The following DGAT1 variants were observed in gnomAD, a reference collection of about 807,000 sequenced individuals.
The protein encoded by DGAT1 is ACAT related gene product 1.
In DGAT1, 60 loss-of-function variants were observed where a neutral mutation model predicts 72.6. The ratio of observed to expected loss-of-function variants is 0.83; its 90% CI spans 0.67 to 1.02. The LOEUF (loss-of-function observed/expected upper bound fraction) is 1.02. Among genes scored for constraint, DGAT1 ranks in the 50% least tolerant of loss-of-function variants. DGAT1 has a pLI of 0.00. For missense variants in DGAT1, 592 were observed against 670.0 expected, an observed-to-expected ratio of 0.88 and a Z score of 1.29; for synonymous variants, 290 against 267.5, an observed-to-expected ratio of 1.08 and a Z score of -0.82.
intron 16 of DGAT1, 43 bp downstream of exon 16, chr8:144,316,809 CG>C: frequency 1.3e-6 from 2 of 1,598,924 alleles, no homozygotes; most frequent in Non-Finnish European, 1.7e-6. Flanking sequence ...GGTTCAGGTG[CG>C]GGGTAACTGG....
chr8:144,315,476 G>C lies in DGAT1; in HGVS notation c.*1078C>G, dbSNP rs1234284874. 1 of 985,484 alleles carries C rather than the reference G, an allele frequency of 1.0e-6. No individual in the cohort carries two copies. Among genetic ancestry groups the C allele is most frequent in the African/African-American group, 1.7e-5 (1 of 57,246 alleles). The allele number at this position is 985,484 out of a possible 1,614,324, so 61.0% of individuals were successfully genotyped here. A position where few individuals can be genotyped will look rare whatever the true frequency, so the allele number is the denominator to read the frequency against. On this transcript the variant is annotated 3_prime_UTR_variant, in exon 17 of 17. Coordinates refer to ENST00000528718, the MANE Select transcript of DGAT1 (RefSeq NM_012079.6). ...CAAACACCTGCCTTGTTGGGCCATA[G>C]CTGCAGGTCTGGGGACACCAGGGCC... is the stretch of plus-strand genomic sequence containing the variant.
rs912398598 is a variant in DGAT1, at chr8:144,316,326, G to A, written c.*228C>T. 9 of 592,992 alleles carry A rather than the reference G, an allele frequency of 1.5e-5. No individual in the cohort carries two copies. Among genetic ancestry groups the A allele is most frequent in the South Asian group, 2.3e-5 (1 of 43,228 alleles). The allele number at this position is 592,992 out of a possible 1,614,324, so 36.7% of individuals were successfully genotyped here. A position where few individuals can be genotyped will look rare whatever the true frequency, so the allele number is the denominator to read the frequency against. Reference sequence around the variant, plus strand: ...GCACTTTATTGACACCCTCGGACCCGGGGCAGGGTCAGCAAGACTCCCAGC... The same window carrying A: ...GCACTTTATTGACACCCTCGGACCCAGGGCAGGGTCAGCAAGACTCCCAGC... On this transcript the variant is annotated 3_prime_UTR_variant, in exon 17 of 17. Coordinates refer to ENST00000528718, the MANE Select transcript of DGAT1 (RefSeq NM_012079.6).
intron 1 of DGAT1, among the ~76,000 whole-genome samples, chr8:144,322,223 T>C (rs1338160183): frequency 6.6e-6 from 1 of 152,098 alleles, no homozygotes; most frequent in African/African-American, 2.4e-5. Context: ...GCCATATAGC[T>C]AGGACAAGGA....
At chr8:144,323,531 G>C (rs1817515919) in intron 1 of DGAT1, among the ~76,000 whole-genome samples, 1 of 152,194 alleles carries the variant, frequency 6.6e-6, no homozygotes, top group Non-Finnish European at 1.5e-5. Flanking sequence ...AGGCTGCATG[G>C]AACGGCATGG....
intron 9 of DGAT1, 41 bp from the exon 10 acceptor site, chr8:144,317,863 A>G: frequency 1.3e-6 from 2 of 1,591,238 alleles, no homozygotes; most frequent in Non-Finnish European, 1.7e-6. Context: ...GGCCCTGGCT[A>G]GCCAGAAGGC....
In DGAT1 at chr8:144,326,784, G is replaced by C; in HGVS notation, c.-148C>G. 1 of 619,360 alleles carries C rather than the reference G, an allele frequency of 1.6e-6. No homozygotes were observed. Among genetic ancestry groups the C allele is most frequent in the South Asian group, 7.4e-5 (1 of 13,562 alleles). The allele number at this position is 619,360 out of a possible 1,614,324, so 38.4% of individuals were successfully genotyped here. ...GCCCGGGTGACCGCCTCACCAGCGC[G>C]TTCAACCCGCCCGCGTCGGGCCCGT... On this transcript the variant is annotated 5_prime_UTR_variant, in exon 1 of 17. Coordinates refer to ENST00000528718, the MANE Select transcript of DGAT1 (RefSeq NM_012079.6).
Position 144,324,978 on chromosome 8 carries a change from C to G in DGAT1, c.200+1459G>C, listed in dbSNP as rs570159273. Among the ~76,000 whole-genome samples, 15 of 152,090 alleles carry G rather than the reference C, an allele frequency of 9.9e-5. No individual in the cohort carries two copies. In the East Asian group the frequency reaches 2.3e-3, roughly 23 times the overall value. Reference sequence around the variant, plus strand: ...ACTCTGGAGGCTGAGGCAGGAGAATCACTTGAACCTGGGAGGCAGAGGTTG... The same window carrying G: ...ACTCTGGAGGCTGAGGCAGGAGAATGACTTGAACCTGGGAGGCAGAGGTTG... On this transcript the variant is annotated intron_variant, in intron 1 of 16. Transcript: ENST00000528718.
rs201047846 is a variant in DGAT1, at chr8:144,317,535, C to T, written c.981+9G>A. The T allele has an allele frequency of 1.8e-5, 29 of 1,613,854 alleles. No homozygotes were observed. In the Admixed American group the frequency reaches 2.5e-4, roughly 14 times the overall value. On this transcript the variant is annotated intron_variant, in intron 12 of 16. Coordinates refer to ENST00000528718, the MANE Select transcript of DGAT1 (RefSeq NM_012079.6). ...CTGTCCTGTGCATGCGCCACCTGTC[C>T]GCACTCACCGCCAGCTTCAGGAGGC... is the stretch of plus-strand genomic sequence containing the variant.
rs199537660 is a variant in DGAT1, at chr8:144,317,949, G to A, written c.820C>T (p.Arg274Trp). 1.8e-5 allele frequency: 27 copies of A among 1,519,434 alleles called. No individual in the cohort carries two copies. Among genetic ancestry groups the A allele is most frequent in the South Asian group, 4.0e-5 (3 of 75,404 alleles). The allele number at this position is 1,519,434 out of a possible 1,614,324, so 94.1% of individuals were successfully genotyped here. ...ATCCGTCGCAGCAGAAAGCGCTTCCGGATGCGGGGAGAGCGGGGAAAGTTG... is the reference window on the plus strand; with the variant it reads ...ATCCGTCGCAGCAGAAAGCGCTTCCAGATGCGGGGAGAGCGGGGAAAGTTG... Reference protein sequence around the residue: ...ELNFPRSPRIRKRFLLRRILE... With the variant: ...ELNFPRSPRIWKRFLLRRILE... Residue 274 changes from arginine (R) to tryptophan (W), a missense_variant, in exon 9 of 17, where the codon CGG becomes TGG. Coordinates refer to ENST00000528718, the MANE Select transcript of DGAT1 (RefSeq NM_012079.6).
chr8:144,318,450 T>TG lies in DGAT1; in HGVS notation c.574+10dup, dbSNP rs782241231. On this transcript the variant is annotated intron_variant, in intron 6 of 16. Transcript: ENST00000528718. Reference sequence around the variant, plus strand: ...CCCGAGACAGATGGGCAGGGTGGGATGGGGGCGCACCTGGAGTGATAGACT... The same window carrying TG: ...CCCGAGACAGATGGGCAGGGTGGGATGGGGGGCGCACCTGGAGTGATAGACT... 63 of 1,575,732 alleles carry TG rather than the reference T, an allele frequency of 4.0e-5. No individual in the cohort carries two copies. Among genetic ancestry groups the TG allele is most frequent in the Middle Eastern group, 1.7e-4 (1 of 5,954 alleles).
In DGAT1 at chr8:144,315,084, G is replaced by C. The variant is rs1817150484; in HGVS notation, c.*1470C>G. On this transcript the variant is annotated 3_prime_UTR_variant, in exon 17 of 17. Transcript: ENST00000528718. ...AACGGGAGCCTGTCCCGTAGCTTTA[G>C]GGTTCTCCACTCAGCCTGGTGGAGG... 1 of 985,398 alleles carries C rather than the reference G, an allele frequency of 1.0e-6. No homozygotes were observed. 61.0% of individuals were successfully genotyped at this position (985,398 alleles called of 1,614,324 possible).
rs781884871 is a variant in DGAT1 at position 144,314,651 on chromosome 8, C to T, written c.*1903G>A. The T allele has an allele frequency of 2.4e-6, 1 of 409,502 alleles. No individual in the cohort carries two copies. The highest frequency in any genetic ancestry group is 4.6e-6 in the Non-Finnish European group (1 of 219,328). The allele number at this position is 409,502 out of a possible 1,614,324, so 25.4% of individuals were successfully genotyped here. On this transcript the variant is annotated 3_prime_UTR_variant, in exon 17 of 17. Coordinates refer to ENST00000528718, the MANE Select transcript of DGAT1 (RefSeq NM_012079.6). Reference sequence around the variant, plus strand: ...TCCCGTTCCCCGCTCCACAGAGATACACAGATATATACACACAGTGGATGG... The same window carrying T: ...TCCCGTTCCCCGCTCCACAGAGATATACAGATATATACACACAGTGGATGG...
In DGAT1 at chr8:144,326,592, C is replaced by T. The variant is rs1205867298; in HGVS notation, c.45G>A (p.Arg15=). The T allele has an allele frequency of 8.1e-6, 10 of 1,236,424 alleles. No homozygotes were observed. The African/African-American group carries it at 1.4e-4, about 18-fold the overall frequency. 76.6% of individuals were successfully genotyped at this position (1,236,424 alleles called of 1,614,324 possible). Residue 15 remains arginine, a synonymous_variant, in exon 1 of 17, where the codon CGG becomes CGA. Transcript: ENST00000528718. ...GSSRRRRTGS[R]PSSHGGGGPA... ...GCCCGCCGCCGCCGTGGCTCGAGGG[C>T]CGCGACCCTGTCCTCCGGCGCCGGG...
At position 144,317,533 on chromosome 8, in the gene DGAT1, T is replaced by G. The variant is rs199851719; in HGVS notation, c.981+11A>C. 1,911 of 1,613,840 alleles carry G rather than the reference T, an allele frequency of 1.2e-3. 4 individuals carry two copies. Among genetic ancestry groups the G allele is most frequent in the Non-Finnish European group, 1.5e-3 (1,749 of 1,180,002 alleles). ...TCCTGTCCTGTGCATGCGCCACCTGTCCGCACTCACCGCCAGCTTCAGGAG... is the reference window on the plus strand; with the variant it reads ...TCCTGTCCTGTGCATGCGCCACCTGGCCGCACTCACCGCCAGCTTCAGGAG... On this transcript the variant is annotated intron_variant, in intron 12 of 16. Transcript: ENST00000528718.
In DGAT1 at chr8:144,315,195, A is replaced by G; in HGVS notation, c.*1359T>C. On this transcript the variant is annotated 3_prime_UTR_variant, in exon 17 of 17. Transcript: ENST00000528718. ...AGTTTGTTCTCGAGCTCCACTGGCC[A>G]ACTGATAGGGAGAGGCACAGGAGCC... 1.0e-6 allele frequency: 1 copy of G among 985,484 alleles called. No homozygotes were observed. The highest frequency in any genetic ancestry group is 1.2e-6 in the Non-Finnish European group (1 of 829,944). 61.0% of individuals were successfully genotyped at this position (985,484 alleles called of 1,614,324 possible).
Position 144,317,837 on chromosome 8 carries a change from G to A in DGAT1, c.856-15C>T. 1 of 1,609,022 alleles carries A rather than the reference G, an allele frequency of 6.2e-7. No individual in the cohort carries two copies. The highest frequency in any genetic ancestry group is 8.5e-7 in the Non-Finnish European group (1 of 1,177,758). ...GTGAAGAACAGCTGGGGGGGAAACA[G>A]AGAGCAGCCAGCTGAGGCCCTGGCT... On this transcript the variant is annotated splice_polypyrimidine_tract_variant and intron_variant, in intron 9 of 16. Transcript: ENST00000528718.
In DGAT1 at chr8:144,315,072, C is replaced by G; in HGVS notation, c.*1482G>C. ...GTAGGCACGGGGAACGGGAGCCTGT[C>G]CCGTAGCTTTAGGGTTCTCCACTCA... is the stretch of plus-strand genomic sequence containing the variant. On this transcript the variant is annotated 3_prime_UTR_variant, in exon 17 of 17. Transcript: ENST00000528718. The G allele has an allele frequency of 1.0e-6, 1 of 985,436 alleles. No homozygotes were observed. Among genetic ancestry groups the G allele is most frequent in the South Asian group, 4.7e-5 (1 of 21,282 alleles). The allele number at this position is 985,436 out of a possible 1,614,324, so 61.0% of individuals were successfully genotyped here.
chr8:144,315,371 A>C lies in DGAT1; in HGVS notation c.*1183T>G, dbSNP rs1321418233. On this transcript the variant is annotated 3_prime_UTR_variant, in exon 17 of 17. Coordinates refer to ENST00000528718, the MANE Select transcript of DGAT1 (RefSeq NM_012079.6). ...AGGGAGGATACCACCAAGGGAGCCC[A>C]CCCTCCCCTCACACCACCAGTTCAG... 2.0e-6 allele frequency: 2 copies of C among 985,174 alleles called. No homozygotes were observed. Among genetic ancestry groups the C allele is most frequent in the African/African-American group, 3.5e-5 (2 of 57,160 alleles). The allele number at this position is 985,174 out of a possible 1,614,324, so 61.0% of individuals were successfully genotyped here.
Position 144,326,639 on chromosome 8 carries a change from C to G in DGAT1, c.-3G>C. The G allele has an allele frequency of 8.3e-7, 1 of 1,200,960 alleles. No individual in the cohort carries two copies. Among genetic ancestry groups the G allele is most frequent in the South Asian group, 3.2e-5 (1 of 31,724 alleles). The allele number at this position is 1,200,960 out of a possible 1,614,324, so 74.4% of individuals were successfully genotyped here. On this transcript the variant is annotated 5_prime_UTR_variant, in exon 1 of 17. Transcript: ENST00000528718. ...CGGGAGCTGCCGCGGTCGCCCATGG[C>G]CTCAGCCCGCACCCGGCCGCAGCCA...
Sources: gnomAD v4.1 joint callset for allele counts (sites outside exome capture counted in the v4.1 genomes callset) on GRCh38, gnomAD v4.1.1 for gene constraint, MANE v1.5 for transcripts, NCBI Gene and HGNC (gene_info 2026-07-23, HGNC 2026-07-21) for gene names.